Variants in ING5 observed in about 807,000 individuals in gnomAD.
ING5 encodes inhibitor of growth protein 5.
Under a neutral mutation model 37.4 loss-of-function variants are expected in ING5, and 17 were observed. The ratio of observed to expected loss-of-function variants is 0.45; its 90% CI spans 0.31 to 0.68. The LOEUF (loss-of-function observed/expected upper bound fraction) is 0.68, where lower values mean the gene tolerates loss of function less well. Among genes scored for constraint, ING5 ranks in the 30% least tolerant of loss-of-function variants. ING5 has a pLI of 0.05. For synonymous variants in ING5, 123 were observed against 116.6 expected (o/e 1.06, Z -0.36); for missense variants, 233 against 311.9 (o/e 0.75, Z 1.91).
At chr2:241,697,889 C>G (rs182676744), upstream of ING5, among the ~76,000 whole-genome samples, 1 of 151,938 alleles carries the variant, frequency 6.6e-6, no homozygotes, top group East Asian at 1.9e-4. Flanking sequence ...TTGAAACCAG[C>G]CTGGCCAACA....
intron 2 of ING5, among the ~76,000 whole-genome samples, chr2:241,695,156 C>T (rs2069613819): frequency 1.3e-5 from 2 of 151,602 alleles, no homozygotes; most frequent in Non-Finnish European, 1.5e-5. Context: ...GAGGTGATGT[C>T]TTAGGGCTAC....
chr2:241,720,363 G>C, intron 5 of ING5: 1 of 1,189,792 alleles, frequency 8.4e-7, no homozygotes, highest in Non-Finnish European at 1.0e-6. Context: ...CCAGGCGCAC[G>C]CACCATCCTG....
chr2:241,701,224 A>G (rs1432737508), upstream of ING5, among the ~76,000 whole-genome samples: 1 of 151,330 alleles, frequency 6.6e-6, no homozygotes, highest in Non-Finnish European at 1.5e-5. Context: ...TCGGCCTCCC[A>G]AAGTGATGGG....
At chr2:241,706,616 A>T (rs2069919053) in intron 2 of ING5, among the ~76,000 whole-genome samples, 1 of 128,456 alleles carries the variant, frequency 7.8e-6, no homozygotes, top group Admixed American at 9.2e-5. Context: ...CAAGAGCGAA[A>T]CTCCATCTCA....
intron 5 of ING5, among the ~76,000 whole-genome samples, chr2:241,717,140 T>C (rs1013976204): frequency 1.3e-5 from 2 of 151,736 alleles, no homozygotes; most frequent in African/African-American, 4.8e-5. Context: ...AGTGGTGCGA[T>C]CTCAGCTCAC....
At chr2:241,688,854 A>G (rs1027512131) in intron 1 of ING5, among the ~76,000 whole-genome samples, 4 of 151,798 alleles carry the variant, frequency 2.6e-5, no homozygotes, top group African/African-American at 7.3e-5. Context: ...GCTGGAGTGC[A>G]GTGGCGCAAT....
Position 241,711,406 on chromosome 2 carries a change from A to G in ING5, c.306A>G (p.Ala102=). 1 of 1,568,704 alleles carries G rather than the reference A, an allele frequency of 6.4e-7. No individual in the cohort carries two copies. The highest frequency in any genetic ancestry group is 8.6e-7 in the Non-Finnish European group (1 of 1,161,020). Residue 102 remains alanine (A), a synonymous_variant, in exon 4 of 8, where the codon GCA becomes GCG. Coordinates refer to ENST00000313552, the MANE Select transcript of ING5 (RefSeq NM_032329.6). Reference sequence around the variant, plus strand: ...ATAAACACATTCGAAGGCTTGATGCAGACCTGGCGCGCTTTGAAGCAGATC... The same window carrying G: ...ATAAACACATTCGAAGGCTTGATGCGGACCTGGCGCGCTTTGAAGCAGATC... ...MVDKHIRRLD[A]DLARFEADLK... is the part of the protein sequence containing the mutation.
At position 241,725,095 on chromosome 2, in the gene ING5, T is replaced by C; in HGVS notation, c.*64T>C. 1 of 1,540,048 alleles carries C rather than the reference T, an allele frequency of 6.5e-7. No homozygotes were observed. Among genetic ancestry groups the C allele is most frequent in the South Asian group, 1.1e-5 (1 of 89,470 alleles). On this transcript the variant is annotated 3_prime_UTR_variant, in exon 8 of 8. Coordinates refer to ENST00000313552, the MANE Select transcript of ING5 (RefSeq NM_032329.6). ...TGTCCCTTCATTCGTGTCGCAATATTTCCCTTCCTTTTAAAACTACCTTGT... is the reference window on the plus strand; with the variant it reads ...TGTCCCTTCATTCGTGTCGCAATATCTCCCTTCCTTTTAAAACTACCTTGT...
chr2:241,687,063 G>A (rs1304662776), upstream of ING5: 5 of 410,528 alleles, frequency 1.2e-5, no homozygotes, highest in African/African-American at 8.2e-5. Flanking sequence ...AGGGCCCTTC[G>A]CTCCGGGAGG....
chr2:241,699,752 G>A (rs1210982375), upstream of ING5, among the ~76,000 whole-genome samples: 2 of 152,064 alleles, frequency 1.3e-5, no homozygotes, highest in Non-Finnish European at 2.9e-5. Flanking sequence ...GGCTCGGGGA[G>A]CCTTTGGGAC....
At chr2:241,705,523 G>C (rs562425545) in intron 2 of ING5, among the ~76,000 whole-genome samples, 5 of 148,158 alleles carry the variant, frequency 3.4e-5, no homozygotes, top group Admixed American at 2.7e-4. Context: ...TCAGCCTCCC[G>C]AGTAGCTGGG....
chr2:241,728,586 C>T lies in ING5; in HGVS notation c.*3555C>T, dbSNP rs1409998303. The T allele has an allele frequency of 2.0e-5, 3 of 152,684 alleles. No homozygotes were observed. The highest frequency in any genetic ancestry group is 1.9e-4 in the East Asian group (1 of 5,192). The allele number at this position is 152,684 out of a possible 1,614,324, so 9.5% of individuals were successfully genotyped here. ...ACAGGAGCTGGTGAAACCGAGCCCT[C>T]TGCATCTGCGAATGTGCCCTAGGTG... On this transcript the variant is annotated 3_prime_UTR_variant, in exon 8 of 8. Transcript: ENST00000313552.
At chr2:241,692,578 A>G (rs2069571437) in intron 2 of ING5, among the ~76,000 whole-genome samples, 1 of 151,884 alleles carries the variant, frequency 6.6e-6, no homozygotes, top group African/African-American at 2.4e-5. Flanking sequence ...CTGGGATTGC[A>G]GGCATGAGCC....
chr2:241,725,603 G>A lies in ING5; in HGVS notation c.*572G>A, dbSNP rs1236511511. On this transcript the variant is annotated 3_prime_UTR_variant, in exon 8 of 8. Coordinates refer to ENST00000313552, the MANE Select transcript of ING5 (RefSeq NM_032329.6). ...CTGGGGGCTCTTCCCTGGAGGAAGC[G>A]GCCTCCGCTTCGCTGGCGCCGCCTT... 1.3e-5 allele frequency: 2 copies of A among 152,614 alleles called. No homozygotes were observed. Among genetic ancestry groups the A allele is most frequent in the Non-Finnish European group, 2.9e-5 (2 of 68,058 alleles). The allele number at this position is 152,614 out of a possible 1,614,324, so 9.5% of individuals were successfully genotyped here.
Position 241,728,714 on chromosome 2 carries a change from T to C in ING5, c.*3683T>C, listed in dbSNP as rs1423252537. On this transcript the variant is annotated 3_prime_UTR_variant, in exon 8 of 8. Transcript: ENST00000313552. Reference sequence around the variant, plus strand: ...GACGGGACCCCTGGGCGGGTGGACATGAGACCACTGTTGGCCAGGGACGCC... The same window carrying C: ...GACGGGACCCCTGGGCGGGTGGACACGAGACCACTGTTGGCCAGGGACGCC... The C allele has an allele frequency of 6.6e-6, 1 of 151,996 alleles. No individual in the cohort carries two copies. The allele number at this position is 151,996 out of a possible 1,614,324, so 9.4% of individuals were successfully genotyped here.
chr2:241,691,188 C>T (rs1162216825), intron 2 of ING5, among the ~76,000 whole-genome samples: 1 of 151,346 alleles, frequency 6.6e-6, no homozygotes, highest in Non-Finnish European at 1.5e-5. Flanking sequence ...CCTGTAATCC[C>T]AGCACTTTGG....
In ING5 at chr2:241,702,103, G is replaced by A; in HGVS notation, c.37+1G>A. 1.5e-6 allele frequency: 2 copies of A among 1,339,692 alleles called. No homozygotes were observed. Among genetic ancestry groups the A allele is most frequent in the South Asian group, 1.7e-5 (1 of 58,442 alleles). The allele number at this position is 1,339,692 out of a possible 1,614,324, so 83.0% of individuals were successfully genotyped here. ...ATGTACTTGGAGCACTATCTGGACAGTAAGCGCGCCCCACGGGCCCCGCGC... is the reference window on the plus strand; with the variant it reads ...ATGTACTTGGAGCACTATCTGGACAATAAGCGCGCCCCACGGGCCCCGCGC... On this transcript the variant is annotated splice_donor_variant, in intron 1 of 7. Coordinates refer to ENST00000313552, the MANE Select transcript of ING5 (RefSeq NM_032329.6). LOFTEE classifies it high-confidence loss of function.
At chr2:241,722,041 A>G in intron 5 of ING5, 1 of 985,412 alleles carries the variant, frequency 1.0e-6, no homozygotes, top group Non-Finnish European at 1.2e-6. Context: ...TGGGCGGTCC[A>G]GGGAGTGTGT....
chr2:241,694,088 T>A (rs1352974780), intron 2 of ING5: 1 of 151,974 alleles, frequency 6.6e-6, no homozygotes, highest in South Asian at 2.1e-4. Flanking sequence ...CCAATAACCC[T>A]TAATAATAAA....
Sources: gnomAD v4.1 joint callset for allele counts (sites outside exome capture counted in the v4.1 genomes callset) on GRCh38, gnomAD v4.1.1 for gene constraint, MANE v1.5 for transcripts, NCBI Gene and HGNC (gene_info 2026-07-23, HGNC 2026-07-21) for gene names.